MYO10: variants seen among roughly 807,000 people sequenced by gnomAD.
The protein encoded by MYO10 is unconventional myosin-X.
MYO10 carries 133 observed loss-of-function variants against 257.3 expected under a neutral mutation model. That is an observed-to-expected ratio of 0.52 (90% CI 0.45 to 0.60). MYO10 has a LOEUF of 0.60. Among genes scored for constraint, MYO10 ranks in the 20% least tolerant of loss-of-function variants. MYO10 has a pLI of 0.00. For missense variants in MYO10, 2,399 were observed against 2,635.7 expected (o/e 0.91, Z 1.97); for synonymous variants, 1,104 against 1,028.6 (o/e 1.07, Z -1.40).
intron 2 of MYO10, among the ~76,000 whole-genome samples, chr5:16,837,384 A>G (rs1427444669): frequency 6.6e-6 from 1 of 152,210 alleles, no homozygotes; most frequent in Non-Finnish European, 1.5e-5. Flanking sequence ...AAGGCTATAT[A>G]TTATTATGTT....
Position 16,701,066 on chromosome 5 carries a change from GAGA to G in MYO10, c.3326_3328del (p.Phe1109del). 4 of 1,573,230 alleles carry G rather than the reference GAGA, an allele frequency of 2.5e-6. No homozygotes were observed. The highest frequency in any genetic ancestry group is 3.4e-6 in the Non-Finnish European group (4 of 1,159,974). On this transcript the variant is annotated inframe_deletion, in exon 25 of 41. Transcript: ENST00000513610. This position sits in a 1 kb window ranked among gnomAD's most constrained non-coding sequence, Gnocchi z 8.1. Reference sequence around the variant, plus strand: ...GGACCACTGGCTGCCGTAGGAGTTGGAGAAGGTCACGCTGCTGCCGGAAGTGAT... The same window carrying G: ...GGACCACTGGCTGCCGTAGGAGTTGGAGGTCACGCTGCTGCCGGAAGTGAT...
In MYO10 at chr5:16,851,835, G is replaced by A. The variant is rs533179734; in HGVS notation, c.120+25774C>T. Among the ~76,000 whole-genome samples, 222 of 152,038 alleles carry A rather than the reference G, an allele frequency of 1.5e-3. 1 individual carries two copies. Among genetic ancestry groups the A allele is most frequent in the Non-Finnish European group, 1.7e-3 (116 of 67,972 alleles). Reference sequence around the variant, plus strand: ...TGGGAGGCCAAGGCGGGCAGATCACGAGGTCAGGAGTTAGAGACCAGCCTG... The same window carrying A: ...TGGGAGGCCAAGGCGGGCAGATCACAAGGTCAGGAGTTAGAGACCAGCCTG... On this transcript the variant is annotated intron_variant, in intron 2 of 40. Coordinates refer to ENST00000513610, the MANE Select transcript of MYO10 (RefSeq NM_012334.3).
chr5:16,694,421 T>C lies in MYO10; in HGVS notation c.3750A>G (p.Glu1250=). Residue 1250 remains glutamate, a synonymous_variant, in exon 27 of 41, where the codon GAA becomes GAG. Transcript: ENST00000513610. ...CCTTGAGCTTCTCCTCGCTGTCGTT[T>C]TCAAAGTACATCAGCTTGGACTGGC... ...VLRQSKLMYF[E]NDSEEKLKGT... is the part of the protein sequence containing the mutation. 2.5e-6 allele frequency: 4 copies of C among 1,614,066 alleles called. No individual in the cohort carries two copies. Among genetic ancestry groups the C allele is most frequent in the Non-Finnish European group, 2.5e-6 (3 of 1,179,906 alleles).
intron 2 of MYO10, among the ~76,000 whole-genome samples, chr5:16,873,909 T>C (rs1480380037): frequency 1.3e-5 from 2 of 152,146 alleles, no homozygotes; most frequent in Admixed American, 6.5e-5. Flanking sequence ...CCTCTGGGAC[T>C]GTGATGGGAG....
Position 16,891,726 on chromosome 5 carries a change from G to A in MYO10, c.22-14019C>T, listed in dbSNP as rs117031444. Among the ~76,000 whole-genome samples, 215 of 152,224 alleles carry A rather than the reference G, an allele frequency of 1.4e-3. 5 individuals carry two copies. The East Asian group carries it at 0.036, about 26-fold the overall frequency. ...TGACCTCATTCACTCCCTGGAATCC[G>A]TTATCCCAACCACCATCTTCATTCT... On this transcript the variant is annotated intron_variant, in intron 1 of 40. Transcript: ENST00000513610.
intron 19 of MYO10, among the ~76,000 whole-genome samples, chr5:16,741,273 G>A: frequency 6.6e-6 from 1 of 152,180 alleles, no homozygotes; most frequent in East Asian, 1.9e-4. Context: ...TGTGAAACAA[G>A]CACATGATAT....
chr5:16,701,242 C>T lies in MYO10; in HGVS notation c.3153G>A (p.Val1051=), dbSNP rs768416701. Residue 1051 remains valine (V), a synonymous_variant, in exon 25 of 41, where the codon GTG becomes GTA. Transcript: ENST00000513610. The surrounding 1 kb of genome is among the most constrained non-coding windows in gnomAD (Gnocchi z 8.1). ...AGTCCTGCACTGATGGGGCGAGCAGCACCGTGCTGTCCGCACTGGGGCTGG... is the reference window on the plus strand; with the variant it reads ...AGTCCTGCACTGATGGGGCGAGCAGTACCGTGCTGTCCGCACTGGGGCTGG... The part of the protein sequence containing the change: ...VPTSPSADST[V]LLAPSVQDSG... The T allele has an allele frequency of 1.2e-6, 2 of 1,613,184 alleles. No homozygotes were observed. Among genetic ancestry groups the T allele is most frequent in the Non-Finnish European group, 1.7e-6 (2 of 1,179,622 alleles).
chr5:16,777,043 T>A (rs147488446), intron 9 of MYO10, among the ~76,000 whole-genome samples: 1 of 152,080 alleles, frequency 6.6e-6, no homozygotes, highest in Non-Finnish European at 1.5e-5. Flanking sequence ...TTCTAACACA[T>A]CATCTTTTCA....
At chr5:16,683,358 C>T (rs747506711) in intron 30 of MYO10, among the ~76,000 whole-genome samples, 6 of 151,988 alleles carry the variant, frequency 3.9e-5, no homozygotes, top group East Asian at 1.9e-4. Flanking sequence ...CACAAAGACG[C>T]GTAAGATCAT....
intron 19 of MYO10, among the ~76,000 whole-genome samples, chr5:16,745,770 T>C (rs1242999052): frequency 1.3e-5 from 2 of 152,190 alleles, no homozygotes; most frequent in African/African-American, 2.4e-5. Flanking sequence ...ATTCTCTGTT[T>C]CTGAGGGTTC....
chr5:16,905,135 G>A (rs1464207941), intron 1 of MYO10, among the ~76,000 whole-genome samples: 1 of 152,060 alleles, frequency 6.6e-6, no homozygotes, highest in Non-Finnish European at 1.5e-5. Context: ...CGCTTGATGC[G>A]GAGGGCACGC....
chr5:16,676,615 C>A (rs1360010037), intron 33 of MYO10, among the ~76,000 whole-genome samples: 1 of 152,132 alleles, frequency 6.6e-6, no homozygotes, highest in Non-Finnish European at 1.5e-5. Flanking sequence ...ACTCATGAGG[C>A]TGAGGCAGGA....
intron 1 of MYO10, among the ~76,000 whole-genome samples, chr5:16,883,699 G>T (rs989989478): frequency 2.6e-5 from 4 of 152,194 alleles, no homozygotes; most frequent in Admixed American, 2.6e-4. Flanking sequence ...TCTGCTTTAA[G>T]ATAAAGAGGA....
chr5:16,705,239 C>G (rs1028255855), intron 21 of MYO10, among the ~76,000 whole-genome samples: 2 of 152,136 alleles, frequency 1.3e-5, no homozygotes, highest in Admixed American at 1.3e-4. Context: ...AAAATATTGA[C>G]GTTAAGAACA....
chr5:16,935,929 G>T lies in MYO10; in HGVS notation c.-121C>A. On this transcript the variant is annotated 5_prime_UTR_variant, in exon 1 of 41. Coordinates refer to ENST00000513610, the MANE Select transcript of MYO10 (RefSeq NM_012334.3). ...ACTCCCGAGGACGCGCGCCCGCGGG[G>T]CTCCCCTGCTGCCATCGCCCGGTCC... is the stretch of plus-strand genomic sequence containing the variant. 1 of 1,218,722 alleles carries T rather than the reference G, an allele frequency of 8.2e-7. No individual in the cohort carries two copies. The highest frequency in any genetic ancestry group is 1.2e-6 in the Non-Finnish European group (1 of 853,182). The allele number at this position is 1,218,722 out of a possible 1,614,324, so 75.5% of individuals were successfully genotyped here.
intron 19 of MYO10, among the ~76,000 whole-genome samples, chr5:16,716,843 A>T (rs541846312): frequency 6.6e-6 from 1 of 151,670 alleles, no homozygotes; most frequent in Non-Finnish European, 1.5e-5. Context: ...TATTTTTTTT[A>T]TTTTTTTGAG....
chr5:16,704,474 C>T (rs1738237831), intron 22 of MYO10, 105 bp downstream of exon 22: 6 of 926,056 alleles, frequency 6.5e-6, no homozygotes, highest in Non-Finnish European at 3.3e-6. Context: ...TGACCTGAGG[C>T]TCCCCTCAAT....
chr5:16,752,062 A>C (rs772551679), intron 19 of MYO10, among the ~76,000 whole-genome samples: 2 of 152,166 alleles, frequency 1.3e-5, no homozygotes, highest in Non-Finnish European at 1.5e-5. Flanking sequence ...AATTTATAGG[A>C]AAAACTAACT....
chr5:16,752,595 G>A (rs1740409745), intron 19 of MYO10, among the ~76,000 whole-genome samples: 1 of 152,050 alleles, frequency 6.6e-6, no homozygotes, highest in Non-Finnish European at 1.5e-5. Context: ...CAAACACCCA[G>A]GACTTTAAAT....
Sources: gnomAD v4.1 joint callset for allele counts (sites outside exome capture counted in the v4.1 genomes callset) on GRCh38, gnomAD v4.1.1 for gene constraint, Gnocchi (gnomAD v3.1) non-coding constraint, MANE v1.5 for transcripts, NCBI Gene and HGNC (gene_info 2026-07-23, HGNC 2026-07-21) for gene names.